The following ZC3H12B variants were observed in gnomAD, a reference collection of about 807,000 sequenced individuals.
ZC3H12B encodes the protein probable ribonuclease ZC3H12B.
A neutral mutation model predicts 43.9 loss-of-function variants in ZC3H12B; 7 were observed. That is an observed-to-expected ratio of 0.16 (90% CI 0.09 to 0.30). The LOEUF (loss-of-function observed/expected upper bound fraction) is 0.30, where lower values mean the gene tolerates loss of function less well. Ranked by LOEUF, ZC3H12B falls within the 10% of genes least tolerant of loss-of-function variation. The probability of loss-of-function intolerance (pLI) is 1.00; values close to 1 mark genes in which losing one functional copy is unlikely to be tolerated. For synonymous variants in ZC3H12B, 222 were observed against 241.7 expected (o/e 0.92, Z 0.76); for missense variants, 475 against 670.2 (o/e 0.71, Z 3.22).
chrX:65,077,785 G>T, the ZC3H12B span, among the ~76,000 whole-genome samples: 8 of 112,054 alleles, frequency 7.1e-5, no homozygotes, highest in Admixed American at 1.9e-4. Flanking sequence ...GGTCTCCCCA[G>T]TGCCTAGTCT....
chrX:65,323,979 G>A, the ZC3H12B span, among the ~76,000 whole-genome samples: 263 of 112,036 alleles, frequency 2.3e-3, 2 homozygotes, highest in African/African-American at 7.7e-3. Context: ...TTTCTTGGCC[G>A]CATAGATGTT....
chrX:65,047,112 G>A, the ZC3H12B span, among the ~76,000 whole-genome samples: 1 of 111,368 alleles, frequency 9.0e-6, no homozygotes, highest in African/African-American at 3.3e-5. Flanking sequence ...AAATGTAAGA[G>A]AGACATGAAG....
chrX:65,428,190 A>AATGT, intron 3 of ZC3H12B, among the ~76,000 whole-genome samples: 1 of 111,839 alleles, frequency 8.9e-6, no homozygotes, highest in South Asian at 3.8e-4. Context: ...GCTGCTTTTA[A>AATGT]CAGTTTTCCT....
rs755571385 is a variant in ZC3H12B at position 65,378,085 on chromosome X, C to T, written n.295+9087C>T. Among the ~76,000 whole-genome samples the T allele has an allele frequency of 1.0e-3, 109 of 109,075 alleles. 1 individual carries two copies. Among genetic ancestry groups the T allele is most frequent in the Non-Finnish European group, 1.8e-3 (93 of 52,457 alleles). The allele number at this position is 109,075 out of a possible 115,157, so 94.7% of individuals were successfully genotyped here. ...CTGCACTCCCGCCTGGGTGACAGAG[C>T]GAGACTCCATCTCAAAAAAAAAAAG... On this transcript the variant is annotated intron_variant and non_coding_transcript_variant, in intron 2 of 5. Transcript: ENST00000617377.
intron 3 of ZC3H12B, among the ~76,000 whole-genome samples, chrX:65,475,376 A>G (rs1368529452): frequency 9.0e-6 from 1 of 111,118 alleles, no homozygotes; most frequent in Non-Finnish European, 1.9e-5. Flanking sequence ...TTTGTCTGGG[A>G]AAAGGTTTCC....
chrX:65,271,759 T>A, the ZC3H12B span: 512 of 140,310 alleles, frequency 3.6e-3, 3 homozygotes, highest in African/African-American at 0.015. Flanking sequence ...TTGATTGCAG[T>A]GAGTTAGTGA....
chrX:65,062,226 C>A, the ZC3H12B span, among the ~76,000 whole-genome samples: 5 of 111,912 alleles, frequency 4.5e-5, no homozygotes, highest in South Asian at 7.4e-4. Flanking sequence ...ATCCATGAAG[C>A]CTTTGCCCAT....
chrX:65,225,083 C>G, the ZC3H12B span, among the ~76,000 whole-genome samples: 1 of 111,920 alleles, frequency 8.9e-6, no homozygotes, highest in African/African-American at 3.2e-5. Context: ...CAAGTGGGTC[C>G]CTGACCCCTG....
chrX:65,453,473 C>A (rs2067553465), intron 3 of ZC3H12B, among the ~76,000 whole-genome samples: 1 of 99,935 alleles, frequency 1.0e-5, no homozygotes, highest in South Asian at 5.0e-4. Context: ...GTAATTCCAG[C>A]ACTTTGGGAG....
the ZC3H12B span, among the ~76,000 whole-genome samples, chrX:65,157,701 A>G: frequency 0.082 from 9,111 of 110,751 alleles, 1,026 homozygotes; most frequent in African/African-American, 0.29. Context: ...AATATATTTG[A>G]ATTTATTTTT....
chrX:65,080,219 G>A, the ZC3H12B span, among the ~76,000 whole-genome samples: 1 of 106,131 alleles, frequency 9.4e-6, no homozygotes, highest in African/African-American at 3.4e-5. Flanking sequence ...GCACACCTAT[G>A]GGATCTAGAA....
At chrX:65,453,392 ATAT>A (rs2067550277) in intron 3 of ZC3H12B, among the ~76,000 whole-genome samples, 4 of 88,131 alleles carry the variant, frequency 4.5e-5, no homozygotes, top group Non-Finnish European at 8.9e-5. Flanking sequence ...ATATATATAT[ATAT>A]ATATATATAA....
the ZC3H12B span, among the ~76,000 whole-genome samples, chrX:65,132,689 G>A: frequency 9.0e-6 from 1 of 111,400 alleles, no homozygotes; most frequent in African/African-American, 3.3e-5. Flanking sequence ...GTCCAAGTTC[G>A]CATCAGAGTT....
At chrX:65,226,890 C>G in the ZC3H12B span, among the ~76,000 whole-genome samples, 14 of 111,083 alleles carry the variant, frequency 1.3e-4, no homozygotes, top group Middle Eastern at 4.7e-3. Context: ...AGCAAGTCCT[C>G]AGTGACCTAC....
At chrX:65,059,564 G>C in the ZC3H12B span, among the ~76,000 whole-genome samples, 3 of 110,896 alleles carry the variant, frequency 2.7e-5, no homozygotes, top group Non-Finnish European at 5.7e-5. Context: ...TCTCTATTCT[G>C]TTCCATTGGT....
chrX:65,088,130 C>T, the ZC3H12B span, among the ~76,000 whole-genome samples: 1 of 111,542 alleles, frequency 9.0e-6, no homozygotes, highest in Non-Finnish European at 1.9e-5. Flanking sequence ...TTTACATTAG[C>T]CTGTGTAAGA....
At chrX:65,383,063 A>C (rs1206647635) in intron 2 of ZC3H12B, among the ~76,000 whole-genome samples, 1 of 111,463 alleles carries the variant, frequency 9.0e-6, no homozygotes, top group African/African-American at 3.3e-5. Context: ...CATCCCCATC[A>C]AGCTACCAAT....
At chrX:65,117,669 T>C in the ZC3H12B span, among the ~76,000 whole-genome samples, 1 of 112,013 alleles carries the variant, frequency 8.9e-6, no homozygotes, top group African/African-American at 3.2e-5. Context: ...TGCCTAGGTT[T>C]TCTTCTAGGG....
the ZC3H12B span, among the ~76,000 whole-genome samples, chrX:65,318,929 T>A: frequency 1.3e-4 from 14 of 111,215 alleles, 1 homozygote; most frequent in East Asian, 3.7e-3. Flanking sequence ...TAAAGTATGG[T>A]TAAGATGGAA....
Sources: gnomAD v4.1 joint callset for allele counts (sites outside exome capture counted in the v4.1 genomes callset) on GRCh38, gnomAD v4.1.1 for gene constraint, MANE v1.5 for transcripts, NCBI Gene and HGNC (gene_info 2026-07-23, HGNC 2026-07-21) for gene names.